Variants in FBXL17 observed in about 807,000 individuals in gnomAD.
The protein encoded by FBXL17 is F-box/LRR-repeat protein 17.
A neutral mutation model predicts 66.2 loss-of-function variants in FBXL17; 22 were observed. The observed-to-expected ratio is 0.33, with a 90% CI of 0.24 to 0.47. The LOEUF is 0.47. Among genes scored for constraint, FBXL17 ranks in the 20% least tolerant of loss-of-function variants. FBXL17 has a pLI of 1.00. For missense variants in FBXL17, 878 were observed against 948.2 expected (o/e 0.93, Z 0.97); for synonymous variants, 474 against 400.5 (o/e 1.18, Z -2.19).
At chr5:107,910,115 G>A (rs1297290204) in intron 7 of FBXL17, among the ~76,000 whole-genome samples, 3 of 151,786 alleles carry the variant, frequency 2.0e-5, no homozygotes, top group Non-Finnish European at 1.5e-5. Flanking sequence ...GTGTGGGATG[G>A]GGGTTTGGGG....
intron 6 of FBXL17, among the ~76,000 whole-genome samples, chr5:108,173,688 C>A (rs73212205): frequency 0.019 from 2,942 of 152,176 alleles, 90 homozygotes; most frequent in African/African-American, 0.066. Context: ...TATGGAAAGA[C>A]AGAGGTAAAG....
chr5:108,140,692 C>G (rs866981914), intron 6 of FBXL17, among the ~76,000 whole-genome samples: 45 of 152,262 alleles, frequency 3.0e-4, no homozygotes, highest in Middle Eastern at 6.8e-3. Context: ...ATGCCTGGCT[C>G]AGATTTCTCT....
intron 6 of FBXL17, among the ~76,000 whole-genome samples, chr5:108,134,470 T>C (rs1751056190): frequency 6.6e-6 from 1 of 152,130 alleles, no homozygotes; most frequent in Non-Finnish European, 1.5e-5. Context: ...ATAGATATAA[T>C]TTCAGAAAAA....
intron 7 of FBXL17, among the ~76,000 whole-genome samples, chr5:107,980,665 T>TATATGTATA (rs1363335386): frequency 1.3e-5 from 1 of 79,180 alleles, no homozygotes; most frequent in African/African-American, 9.0e-5. Context: ...TATATATATA[T>TATATGTATA]TTTTTTTTTG....
In FBXL17 at chr5:107,881,194, G is replaced by T; in HGVS notation, c.1823-15C>A. On this transcript the variant is annotated splice_polypyrimidine_tract_variant and intron_variant, in intron 7 of 8. Transcript: ENST00000542267. ...GGCTATCAGTGCTGCAAGAAGGGAC[G>T]CAGAGAAAGCATTAATGTTAGCAGT... 3 of 1,500,798 alleles carry T rather than the reference G, an allele frequency of 2.0e-6. No homozygotes were observed. The highest frequency in any genetic ancestry group is 2.8e-6 in the Non-Finnish European group (3 of 1,089,812). 93.0% of individuals were successfully genotyped at this position (1,500,798 alleles called of 1,614,324 possible).
intron 5 of FBXL17, among the ~76,000 whole-genome samples, chr5:108,187,682 C>T (rs148429567): frequency 2.6e-5 from 4 of 152,140 alleles, no homozygotes; most frequent in Non-Finnish European, 4.4e-5. Flanking sequence ...CTCAGACTTA[C>T]AACCTTAAGG....
chr5:108,187,584 T>G (rs1433794901), intron 5 of FBXL17, among the ~76,000 whole-genome samples: 3 of 152,128 alleles, frequency 2.0e-5, no homozygotes, highest in African/African-American at 7.2e-5. Flanking sequence ...TAGCTTCAAA[T>G]ATTGAGGAAG....
At chr5:108,112,495 A>G (rs1296147031) in intron 6 of FBXL17, among the ~76,000 whole-genome samples, 3 of 152,220 alleles carry the variant, frequency 2.0e-5, no homozygotes, top group African/African-American at 7.2e-5. Context: ...AGGCCCAGAA[A>G]TATTTAAAGA....
At chr5:107,991,498 C>A (rs921723816) in intron 7 of FBXL17, among the ~76,000 whole-genome samples, 6 of 152,354 alleles carry the variant, frequency 3.9e-5, no homozygotes, top group African/African-American at 1.4e-4. Context: ...ACTGCTTTCA[C>A]TCCATTCCCT....
At chr5:107,885,785 A>G (rs567435763) in intron 7 of FBXL17, among the ~76,000 whole-genome samples, 1 of 152,146 alleles carries the variant, frequency 6.6e-6, no homozygotes, top group Non-Finnish European at 1.5e-5. Flanking sequence ...ACCACAAAAT[A>G]CTGTGTAACT....
At chr5:107,983,248 G>A (rs997459890) in intron 7 of FBXL17, among the ~76,000 whole-genome samples, 14 of 152,190 alleles carry the variant, frequency 9.2e-5, no homozygotes, top group African/African-American at 2.2e-4. Flanking sequence ...GTCTCACTAC[G>A]TCGCAGGATC....
chr5:108,099,732 G>A (rs1749531057), intron 6 of FBXL17, among the ~76,000 whole-genome samples: 1 of 152,172 alleles, frequency 6.6e-6, no homozygotes, highest in African/African-American at 2.4e-5. Flanking sequence ...AGGTCAGAGT[G>A]ATCTTCTTGC....
Position 108,381,575 on chromosome 5 carries a change from G to T in FBXL17, c.117C>A (p.Ala39=). 2 of 1,447,532 alleles carry T rather than the reference G, an allele frequency of 1.4e-6. No homozygotes were observed. Among genetic ancestry groups the T allele is most frequent in the South Asian group, 2.8e-5 (2 of 72,390 alleles). The allele number at this position is 1,447,532 out of a possible 1,614,324, so 89.7% of individuals were successfully genotyped here. The change falls in exon 1 of 9, where the codon GCC becomes GCA. Residue 39 remains alanine, a synonymous_variant. Coordinates refer to ENST00000542267, the MANE Select transcript of FBXL17 (RefSeq NM_001163315.3). ...PLLRLPRRTP[A]KVPPQPAAPR... is the part of the protein sequence containing the mutation. ...GCGCCGCCGGCTGAGGGGGCACCTTGGCTGGGGTCCGGCGGGGCAGCCTGA... is the reference window on the plus strand; with the variant it reads ...GCGCCGCCGGCTGAGGGGGCACCTTTGCTGGGGTCCGGCGGGGCAGCCTGA...
At position 108,250,519 on chromosome 5, in the gene FBXL17, C is replaced by G. The variant is rs998203453; in HGVS notation, c.1507-26291G>C. Among the ~76,000 whole-genome samples, 2 of 151,978 alleles carry G rather than the reference C, an allele frequency of 1.3e-5. 1 individual carries two copies. The highest frequency in any genetic ancestry group is 4.1e-4 in the South Asian group (2 of 4,822). On this transcript the variant is annotated intron_variant, in intron 4 of 8. Transcript: ENST00000542267. Reference sequence around the variant, plus strand: ...GTGTTGTGTTTTATATAATCACTTGCTGGTTTTTACTTGTTTTCTTACTGC... The same window carrying G: ...GTGTTGTGTTTTATATAATCACTTGGTGGTTTTTACTTGTTTTCTTACTGC...
chr5:108,380,523 CA>C (rs1749772232), intron 1 of FBXL17, among the ~76,000 whole-genome samples, 175 bp downstream of exon 1: 1 of 152,170 alleles, frequency 6.6e-6, no homozygotes, highest in Non-Finnish European at 1.5e-5. Flanking sequence ...GCTCCTACTT[CA>C]AAAAATAGGC....
intron 8 of FBXL17, chr5:107,878,379 T>C (rs1188365359): frequency 1.3e-6 from 1 of 791,146 alleles, no homozygotes; most frequent in African/African-American, 1.9e-5. Context: ...GAGCATTTTA[T>C]ATATAATAGA....
chr5:108,273,826 T>G (rs1032777184), intron 4 of FBXL17, among the ~76,000 whole-genome samples: 15 of 152,058 alleles, frequency 9.9e-5, no homozygotes, highest in Admixed American at 9.8e-4. Flanking sequence ...CTTGCTGTTT[T>G]CATTAAGAAC....
At chr5:108,090,919 T>G (rs1363360730) in intron 6 of FBXL17, among the ~76,000 whole-genome samples, 2 of 151,960 alleles carry the variant, frequency 1.3e-5, no homozygotes, top group Non-Finnish European at 2.9e-5. Flanking sequence ...TAAACATGAA[T>G]ACATAGTCAC....
intron 4 of FBXL17, among the ~76,000 whole-genome samples, chr5:108,250,467 C>T (rs537706543): frequency 5.1e-4 from 78 of 152,124 alleles, no homozygotes; most frequent in Non-Finnish European, 9.6e-4. Flanking sequence ...TTTTTAGTGA[C>T]CATCTATGCT....
Sources: gnomAD v4.1 joint callset for allele counts (sites outside exome capture counted in the v4.1 genomes callset) on GRCh38, gnomAD v4.1.1 for gene constraint, MANE v1.5 for transcripts, NCBI Gene and HGNC (gene_info 2026-07-23, HGNC 2026-07-21) for gene names.